CNTN5: variants seen among roughly 807,000 people sequenced by gnomAD.
The protein encoded by CNTN5 is contactin 5.
CNTN5 carries 77 observed loss-of-function variants against 129.1 expected under a neutral mutation model. The observed-to-expected ratio is 0.60, with a 90% CI of 0.50 to 0.72. CNTN5 has a LOEUF of 0.72. Among genes scored for constraint, CNTN5 ranks in the 30% least tolerant of loss-of-function variants. CNTN5 has a pLI of 0.00. For synonymous variants in CNTN5, 509 were observed against 465.6 expected (o/e 1.09, Z -1.20); for missense variants, 1,478 against 1,328.8 (o/e 1.11, Z -1.75).
intron 3 of CNTN5, among the ~76,000 whole-genome samples, chr11:99,770,089 G>T (rs1052049613): frequency 2.6e-5 from 4 of 152,054 alleles, no homozygotes; most frequent in African/African-American, 9.7e-5. Flanking sequence ...GAACAGGAGT[G>T]TTTGCTGTCA....
At chr11:100,054,563 T>C (rs1051149358) in intron 9 of CNTN5, among the ~76,000 whole-genome samples, 6 of 151,816 alleles carry the variant, frequency 4.0e-5, no homozygotes, top group African/African-American at 7.2e-5. Context: ...GATGACAGTT[T>C]TACCAAATGT....
intron 18 of CNTN5, among the ~76,000 whole-genome samples, chr11:100,285,241 G>A (rs1950747882): frequency 6.6e-6 from 1 of 152,106 alleles, no homozygotes; most frequent in Admixed American, 6.5e-5. Flanking sequence ...AACATTTTCA[G>A]AGTTAAACAC....
intron 3 of CNTN5, among the ~76,000 whole-genome samples, chr11:99,598,494 C>A (rs746024222): frequency 3.4e-5 from 5 of 147,846 alleles, no homozygotes; most frequent in African/African-American, 5.0e-5. Context: ...TTCTTCCTTC[C>A]TTTCTTTGTC....
chr11:99,478,648 T>A (rs184749239), intron 2 of CNTN5, among the ~76,000 whole-genome samples: 1 of 147,602 alleles, frequency 6.8e-6, no homozygotes, highest in Non-Finnish European at 1.5e-5. Flanking sequence ...GATATATGGA[T>A]TTTTTTTTGA....
At chr11:100,352,066 A>G (rs1441393174) in intron 24 of CNTN5, among the ~76,000 whole-genome samples, 6 of 151,620 alleles carry the variant, frequency 4.0e-5, no homozygotes, top group African/African-American at 1.5e-4. Flanking sequence ...TACACAGGTA[A>G]ACTTAAACTT....
At chr11:99,595,320 A>C (rs1017793811) in intron 3 of CNTN5, among the ~76,000 whole-genome samples, 1 of 151,748 alleles carries the variant, frequency 6.6e-6, no homozygotes, top group Non-Finnish European at 1.5e-5. Flanking sequence ...AGTGTACCCC[A>C]TAAATATGTA....
At chr11:99,070,241 T>C (rs944086466) in intron 1 of CNTN5, among the ~76,000 whole-genome samples, 4 of 152,164 alleles carry the variant, frequency 2.6e-5, no homozygotes, top group African/African-American at 9.7e-5. Context: ...GAAGATCATC[T>C]CATCTTCTCT....
chr11:99,997,148 C>CTAGT (rs1324217071), intron 8 of CNTN5, among the ~76,000 whole-genome samples: 2 of 152,048 alleles, frequency 1.3e-5, no homozygotes, highest in Non-Finnish European at 1.5e-5. Context: ...ATTAGTCTTG[C>CTAGT]TAGCGGTCTA....
intron 3 of CNTN5, among the ~76,000 whole-genome samples, chr11:99,574,311 T>C (rs1473078790): frequency 6.6e-6 from 1 of 152,242 alleles, no homozygotes; most frequent in East Asian, 1.9e-4. Flanking sequence ...CAATCATTGA[T>C]GGGCATTTGG....
intron 21 of CNTN5, among the ~76,000 whole-genome samples, chr11:100,323,304 A>G (rs1951728658): frequency 6.6e-6 from 1 of 152,056 alleles, no homozygotes; most frequent in Non-Finnish European, 1.5e-5. Context: ...TTGAATTTCT[A>G]TTTTGTGTTT....
intron 1 of CNTN5, among the ~76,000 whole-genome samples, chr11:99,085,877 T>G (rs776107772): frequency 5.3e-5 from 8 of 152,140 alleles, no homozygotes; most frequent in African/African-American, 1.9e-4. Context: ...TGTTGCACAA[T>G]GTATTACCTT....
intron 1 of CNTN5, among the ~76,000 whole-genome samples, chr11:99,035,368 G>T (rs1863660331): frequency 6.6e-6 from 1 of 151,974 alleles, no homozygotes; most frequent in African/African-American, 2.4e-5. Context: ...CTGACAGTGG[G>T]GTGTTAAAGT....
intron 15 of CNTN5, among the ~76,000 whole-genome samples, chr11:100,201,074 C>T (rs946896186): frequency 2.0e-5 from 3 of 151,918 alleles, no homozygotes; most frequent in Non-Finnish European, 2.9e-5. Flanking sequence ...TGGTAGGCCA[C>T]AGTGGGTTGT....
intron 21 of CNTN5, among the ~76,000 whole-genome samples, chr11:100,321,807 T>C (rs1951702270): frequency 6.6e-6 from 1 of 152,238 alleles, no homozygotes; most frequent in South Asian, 2.1e-4. Context: ...GAAATGATCA[T>C]ATGGTTTTTG....
chr11:99,601,553 G>A (rs1249952256), intron 3 of CNTN5, among the ~76,000 whole-genome samples: 2 of 152,164 alleles, frequency 1.3e-5, no homozygotes, highest in Admixed American at 1.3e-4. Context: ...GTACTCCACA[G>A]GGATTTCCAC....
At chr11:99,045,371 T>G (rs1864164611) in intron 1 of CNTN5, among the ~76,000 whole-genome samples, 1 of 152,234 alleles carries the variant, frequency 6.6e-6, no homozygotes, top group Admixed American at 6.5e-5. Context: ...ACATCACATT[T>G]AATTCTCAAA....
chr11:100,227,458 T>C (rs1406960765), intron 16 of CNTN5, among the ~76,000 whole-genome samples: 3 of 152,150 alleles, frequency 2.0e-5, no homozygotes, highest in Non-Finnish European at 4.4e-5. Flanking sequence ...GGACTATTTT[T>C]TCCTCAACTG....
chr11:99,950,566 A>G (rs996185051), intron 7 of CNTN5, among the ~76,000 whole-genome samples: 3 of 152,250 alleles, frequency 2.0e-5, no homozygotes, highest in African/African-American at 7.2e-5. Flanking sequence ...TGTAACTTTC[A>G]GGATCTTCGT....
chr11:99,060,932 C>A (rs893304974), intron 1 of CNTN5, among the ~76,000 whole-genome samples: 2 of 151,968 alleles, frequency 1.3e-5, no homozygotes. Context: ...CTTCCCAATA[C>A]CTCACACAGT....
Sources: allele counts gnomAD v4.1 joint callset (sites outside exome capture counted in the v4.1 genomes callset), GRCh38; gene constraint gnomAD v4.1.1; transcripts MANE v1.5; gene names NCBI Gene and HGNC (gene_info 2026-07-23, HGNC 2026-07-21).